PCM1: variants seen among roughly 807,000 people sequenced by gnomAD.
The protein encoded by PCM1 is pericentriolar material 1 protein.
Under a neutral mutation model 241.9 loss-of-function variants are expected in PCM1, and 157 were observed. The observed-to-expected ratio is 0.65, with a 90% CI of 0.57 to 0.74. The LOEUF is 0.74. Among genes scored for constraint, PCM1 ranks in the 30% least tolerant of loss-of-function variants. The pLI, the probability that PCM1 is intolerant of heterozygous loss-of-function variation, is 0.00. For missense variants in PCM1, 3,478 were observed against 2,360.1 expected (o/e 1.47, Z -9.81); for synonymous variants, 1,085 against 784.9 (o/e 1.38, Z -6.39).
At chr8:17,941,770 C>T (rs1201262211) in intron 6 of PCM1, among the ~76,000 whole-genome samples, 2 of 152,078 alleles carry the variant, frequency 1.3e-5, no homozygotes, top group East Asian at 1.9e-4. Flanking sequence ...AGGTGACAGA[C>T]CTCAGAATGA....
At chr8:17,927,872 A>C (rs1040631046) in intron 2 of PCM1, 8 of 151,786 alleles carry the variant, frequency 5.3e-5, no homozygotes, top group Middle Eastern at 3.4e-3. Context: ...TTAAAAAAAA[A>C]AAAAAAAAAA....
intron 29 of PCM1, among the ~76,000 whole-genome samples, chr8:18,000,584 G>T (rs577480879): frequency 6.6e-6 from 1 of 150,746 alleles, no homozygotes; most frequent in Non-Finnish European, 1.5e-5. Context: ...AATGAAGAAG[G>T]CTTGGGAGAA....
At chr8:18,008,799 G>C (rs577988679) in intron 30 of PCM1, among the ~76,000 whole-genome samples, 4 of 152,128 alleles carry the variant, frequency 2.6e-5, no homozygotes, top group Non-Finnish European at 4.4e-5. Flanking sequence ...AGGAGGTCTG[G>C]TCTCTTGATC....
Position 17,940,181 on chromosome 8 carries a change from A to G in PCM1, c.783+320A>G, listed in dbSNP as rs188792806. The G allele has an allele frequency of 2.9e-4, 353 of 1,214,392 alleles. No homozygotes were observed. The African/African-American group carries it at 4.5e-3, about 16-fold the overall frequency. 75.2% of individuals were successfully genotyped at this position (1,214,392 alleles called of 1,614,324 possible). A position where few individuals can be genotyped will look rare whatever the true frequency, so the allele number is the denominator to read the frequency against. On this transcript the variant is annotated intron_variant, in intron 6 of 38. Transcript: ENST00000325083. ...ACGGTAAGCGGCTTTTTGGTAATTA[A>G]AGTGCTGGAAATGAAGGTTTAAATT...
At chr8:17,983,187 C>T (rs2081504975) in intron 24 of PCM1, 1 of 1,016,832 alleles carries the variant, frequency 9.8e-7, no homozygotes, top group South Asian at 1.4e-5. Context: ...GTCTTTACTA[C>T]TCATACACAT....
In PCM1 at chr8:18,014,010, C is replaced by T; in HGVS notation, c.5558C>T (p.Pro1853Leu). ...FKKTAESKNV[P>L]LEREATSKND... ...AAGACAGCAGAAAGCAAAAATGTCC[C>T]ATTGGAACGAGAAGCCACTAGTAAA... is the stretch of plus-strand genomic sequence containing the variant. Residue 1853 changes from proline to leucine, a missense_variant, in exon 35 of 39, where the codon CCA becomes CTA. Coordinates refer to ENST00000325083, the MANE Select transcript of PCM1 (RefSeq NM_006197.4). 1.2e-6 allele frequency: 2 copies of T among 1,600,900 alleles called. No individual in the cohort carries two copies. Among genetic ancestry groups the T allele is most frequent in the Admixed American group, 1.7e-5 (1 of 58,436 alleles).
At chr8:17,947,502 CT>C (rs1406772873) in intron 7 of PCM1, 139 bp downstream of exon 7, 4 of 619,026 alleles carry the variant, frequency 6.5e-6, no homozygotes, top group Non-Finnish European at 1.1e-5. Flanking sequence ...TTATACTTTC[CT>C]GTGCTTTTCT....
intron 28 of PCM1, among the ~76,000 whole-genome samples, chr8:17,992,610 C>CTTTTTT (rs71545503): frequency 5.5e-5 from 7 of 128,426 alleles, no homozygotes; most frequent in Admixed American, 8.0e-5. Flanking sequence ...ACTACTACTA[C>CTTTTTT]TTTTTTTTTT....
intron 16 of PCM1, 79 bp from the exon 17 acceptor site, chr8:17,963,022 C>T (rs1391567641): frequency 2.3e-5 from 22 of 953,658 alleles, no homozygotes; most frequent in Non-Finnish European, 3.5e-5. Context: ...TTGATACTGA[C>T]AATACTAGTA....
At chr8:17,935,357 T>C (rs1266600210) in intron 2 of PCM1, among the ~76,000 whole-genome samples, 2 of 152,188 alleles carry the variant, frequency 1.3e-5, no homozygotes, top group Non-Finnish European at 2.9e-5. Flanking sequence ...GCTCACAAGG[T>C]ATATTCAGGG....
chr8:17,962,859 C>T (rs1227182257), intron 16 of PCM1: 3 of 326,826 alleles, frequency 9.2e-6, no homozygotes, highest in East Asian at 1.4e-4. Context: ...GCCGAGATCA[C>T]ACCACTGCAC....
intron 36 of PCM1, among the ~76,000 whole-genome samples, chr8:18,016,570 A>AATTT (rs1321697743): frequency 1.3e-5 from 2 of 152,228 alleles, no homozygotes; most frequent in Non-Finnish European, 2.9e-5. Flanking sequence ...AGGCTTCTAA[A>AATTT]AGACATAATT....
intron 26 of PCM1, among the ~76,000 whole-genome samples, chr8:17,987,079 A>C (rs1187485959): frequency 6.6e-6 from 1 of 151,790 alleles, no homozygotes; most frequent in Non-Finnish European, 1.5e-5. Context: ...ATGTTTTCCC[A>C]CTGGACTCTG....
intron 24 of PCM1, among the ~76,000 whole-genome samples, chr8:17,984,514 A>G (rs912961653): frequency 6.6e-6 from 1 of 151,634 alleles, no homozygotes; most frequent in African/African-American, 2.4e-5. Context: ...TTCTATTGAT[A>G]TCTTATATTA....
intron 2 of PCM1, 191 bp downstream of exon 2, chr8:17,924,971 C>T (rs1206369113): frequency 6.6e-6 from 1 of 152,158 alleles, no homozygotes; most frequent in Admixed American, 6.5e-5. Context: ...TATCTTTGTT[C>T]GGAAAGGCCC....
chr8:17,957,831 A>G, intron 13 of PCM1, 56 bp downstream of exon 13: 1 of 1,153,336 alleles, frequency 8.7e-7, no homozygotes, highest in Non-Finnish European at 1.3e-6. Context: ...AGTCTTAAGT[A>G]AAATTTGTGT....
At position 17,952,644 on chromosome 8, in the gene PCM1, C is replaced by G. The variant is rs78273102; in HGVS notation, c.1072-326C>G. Reference sequence around the variant, plus strand: ...GTATTATAAGTAGTCTAGAGCTGATCTGAAGTATATAGGAGGATGTGTGTA... The same window carrying G: ...GTATTATAAGTAGTCTAGAGCTGATGTGAAGTATATAGGAGGATGTGTGTA... On this transcript the variant is annotated intron_variant, in intron 8 of 38. Coordinates refer to ENST00000325083, the MANE Select transcript of PCM1 (RefSeq NM_006197.4). Among the ~76,000 whole-genome samples, 1,145 of 152,236 alleles carry G rather than the reference C, an allele frequency of 7.5e-3. 10 individuals carry two copies. Among genetic ancestry groups the G allele is most frequent in the African/African-American group, 0.026 (1,099 of 41,542 alleles).
chr8:17,947,281 A>G lies in PCM1; in HGVS notation c.879A>G (p.Leu293=), dbSNP rs1178424690. 1.2e-6 allele frequency: 2 copies of G among 1,611,382 alleles called. No homozygotes were observed. Among genetic ancestry groups the G allele is most frequent in the South Asian group, 1.1e-5 (1 of 90,952 alleles). The change falls in exon 7 of 39, where the codon CTA becomes CTG. Residue 293 remains leucine (L), a synonymous_variant. Coordinates refer to ENST00000325083, the MANE Select transcript of PCM1 (RefSeq NM_006197.4). ...GAATGTTACAACAGCAGGAGCAACTAAGAGCTCTACAGGGACGGCAGGCTG... is the reference window on the plus strand; with the variant it reads ...GAATGTTACAACAGCAGGAGCAACTGAGAGCTCTACAGGGACGGCAGGCTG... ...LKRMLQQQEQ[L]RALQGRQAAL... is the part of the protein sequence containing the mutation.
At position 17,937,300 on chromosome 8, in the gene PCM1, A is replaced by G; in HGVS notation, c.263A>G (p.Tyr88Cys). The change falls in exon 4 of 39, where the codon TAC becomes TGC. Residue 88 changes from tyrosine to cysteine, a missense_variant. Transcript: ENST00000325083. ...KTPHTFPHSR[Y>C]MSQMSVPEQA... ...CCACATACGTTCCCACACAGTAGAT[A>G]CATGAGTCAGATGTCTGTCCCAGAG... 1.2e-6 allele frequency: 2 copies of G among 1,609,768 alleles called. No individual in the cohort carries two copies. Among genetic ancestry groups the G allele is most frequent in the Non-Finnish European group, 1.7e-6 (2 of 1,177,000 alleles).
Sources: allele counts gnomAD v4.1 joint callset (sites outside exome capture counted in the v4.1 genomes callset), GRCh38; gene constraint gnomAD v4.1.1; transcripts MANE v1.5; gene names NCBI Gene and HGNC (gene_info 2026-07-23, HGNC 2026-07-21).